The following FAM120B variants were observed in gnomAD, a reference collection of about 807,000 sequenced individuals.
The protein encoded by FAM120B is constitutive coactivator of peroxisome proliferator-activated receptor gamma.
FAM120B carries 83 observed loss-of-function variants against 96.3 expected under a neutral mutation model. The observed-to-expected ratio is 0.86, with a 90% CI of 0.72 to 1.03. FAM120B has a LOEUF of 1.03. FAM120B is among the 50% of genes least tolerant of loss of function. The pLI, the probability that FAM120B is intolerant of heterozygous loss-of-function variation, is 0.00. For missense variants in FAM120B, 1,027 were observed against 1,121.2 expected (o/e 0.92, Z 1.20); for synonymous variants, 407 against 402.7 (o/e 1.01, Z -0.13).
At chr6:170,296,555 C>T (rs1268092087) in intron 1 of FAM120B, among the ~76,000 whole-genome samples, 4 of 151,772 alleles carry the variant, frequency 2.6e-5, no homozygotes, top group Non-Finnish European at 5.9e-5. Context: ...GCCCGCATTC[C>T]CACCTCACCG....
intron 6 of FAM120B, among the ~76,000 whole-genome samples, chr6:170,361,222 A>ATATATATATATACG (rs1788401750): frequency 3.9e-5 from 4 of 101,988 alleles, no homozygotes; most frequent in South Asian, 7.2e-4. Context: ...ATATATATAT[A>ATATATATATATACG]TATATATATA....
chr6:170,293,768 C>T (rs1783937150), upstream of FAM120B, among the ~76,000 whole-genome samples: 1 of 145,024 alleles, frequency 6.9e-6, no homozygotes, highest in South Asian at 2.4e-4. Context: ...CCATTTCTCT[C>T]CCCCCACCCC....
intron 3 of FAM120B, among the ~76,000 whole-genome samples, chr6:170,327,972 A>G (rs1309005776): frequency 1.3e-5 from 2 of 152,276 alleles, no homozygotes; most frequent in African/African-American, 4.8e-5. Context: ...AGGCCAGGAC[A>G]TGACCATACA....
intron 6 of FAM120B, among the ~76,000 whole-genome samples, chr6:170,361,311 T>C (rs2115202656): frequency 6.7e-6 from 1 of 148,428 alleles, no homozygotes; most frequent in South Asian, 2.1e-4. Context: ...ATTATATGTG[T>C]AAAGGTGCAT....
intron 3 of FAM120B, among the ~76,000 whole-genome samples, chr6:170,330,011 T>A (rs1286624734): frequency 6.6e-6 from 1 of 152,184 alleles, no homozygotes; most frequent in Non-Finnish European, 1.5e-5. Flanking sequence ...TCTGCTGACC[T>A]CCTCCCTTCA....
At chr6:170,395,089 G>A (rs1790657811) in intron 8 of FAM120B, among the ~76,000 whole-genome samples, 2 of 152,202 alleles carry the variant, frequency 1.3e-5, no homozygotes, top group African/African-American at 4.8e-5. Context: ...GTGGAGAATG[G>A]GGAGAAGCTC....
chr6:170,310,535 C>T (rs1031969593), intron 1 of FAM120B, among the ~76,000 whole-genome samples: 1 of 152,178 alleles, frequency 6.6e-6, no homozygotes, highest in African/African-American at 2.4e-5. Context: ...TCAAATCCTG[C>T]CCTCCTTGTT....
intron 6 of FAM120B, among the ~76,000 whole-genome samples, chr6:170,374,403 G>T (rs919177001): frequency 4.6e-5 from 7 of 152,216 alleles, no homozygotes; most frequent in African/African-American, 1.7e-4. Context: ...GGGTGAACTG[G>T]TGTGGACCCA....
intron 6 of FAM120B, among the ~76,000 whole-genome samples, chr6:170,385,995 C>T (rs1790165669): frequency 6.6e-6 from 1 of 152,078 alleles, no homozygotes; most frequent in African/African-American, 2.4e-5. Flanking sequence ...AGCAGGCAGG[C>T]GGGAGGGCTT....
At position 170,318,457 on chromosome 6, in the gene FAM120B, G is replaced by T. The variant is rs995191901; in HGVS notation, c.1067G>T (p.Cys356Phe). 1 of 1,603,818 alleles carries T rather than the reference G, an allele frequency of 6.2e-7. No individual in the cohort carries two copies. The highest frequency in any genetic ancestry group is 1.7e-5 in the Admixed American group (1 of 59,328). The change falls in exon 2 of 11, where the codon TGT becomes TTT. Residue 356 changes from cysteine to phenylalanine, a missense_variant. Cys to Phe is a radical substitution (Grantham distance 205). This residue lies in a region of FAM120B where 880 missense variants were observed against 980.9 expected (regional missense o/e 0.90). Coordinates refer to ENST00000476287, the MANE Select transcript of FAM120B (RefSeq NM_032448.3). ...GAATCCAGGCAAGAAGTTCCCATGT[G>T]TACAGGCCCTGAATCCAGGCGAGAA... ...DAESRQEVPM[C>F]TGPESRREVP...
At chr6:170,306,588 T>TCCCACGCCGCCGGCGC (rs1784294915), upstream of FAM120B, 1 of 152,150 alleles carries the variant, frequency 6.6e-6, no homozygotes, top group Non-Finnish European at 1.5e-5. Context: ...GGCCGCGGCG[T>TCCCACGCCGCCGGCGC]CCCACGCCGC....
chr6:170,313,705 G>A (rs571836973), intron 1 of FAM120B, among the ~76,000 whole-genome samples: 8 of 152,216 alleles, frequency 5.3e-5, no homozygotes, highest in Non-Finnish European at 8.8e-5. Flanking sequence ...GACTGTGTGA[G>A]CTTGAGCTCC....
chr6:170,351,619 A>C (rs151304076), intron 5 of FAM120B, among the ~76,000 whole-genome samples: 2,357 of 152,290 alleles, frequency 0.015, 63 homozygotes, highest in African/African-American at 0.053. Flanking sequence ...CCTACAAGCC[A>C]GAAGAGATTG....
intron 1 of FAM120B, among the ~76,000 whole-genome samples, chr6:170,300,888 G>A (rs1297548633): frequency 3.3e-5 from 5 of 152,190 alleles, no homozygotes; most frequent in South Asian, 2.1e-4. Context: ...TGGCATTGCA[G>A]GGTAAACCCC....
intron 6 of FAM120B, among the ~76,000 whole-genome samples, chr6:170,378,162 C>T (rs901597652): frequency 3.3e-5 from 5 of 152,220 alleles, no homozygotes; most frequent in African/African-American, 4.8e-5. Context: ...TGCAGACTTC[C>T]ATCAGAGATC....
chr6:170,313,287 A>G (rs1231815046), intron 1 of FAM120B, among the ~76,000 whole-genome samples: 1 of 152,170 alleles, frequency 6.6e-6, no homozygotes, highest in South Asian at 2.1e-4. Context: ...AGAGGTCCCT[A>G]TGAGTTTCAC....
intron 3 of FAM120B, 73 bp from the exon 4 acceptor site, chr6:170,330,376 G>T: frequency 8.4e-7 from 1 of 1,195,704 alleles, no homozygotes; most frequent in Non-Finnish European, 1.2e-6. Flanking sequence ...CCTGGGCAGA[G>T]CTGGGTCTGT....
At chr6:170,342,167 GTTGTTTT>G (rs1290889415) in intron 4 of FAM120B, among the ~76,000 whole-genome samples, 3 of 152,272 alleles carry the variant, frequency 2.0e-5, no homozygotes, top group Non-Finnish European at 2.9e-5. Context: ...TTTTGGTTTG[GTTGTTTT>G]TTGTTTTTTG....
At position 170,388,182 on chromosome 6, in the gene FAM120B, G is replaced by A. The variant is rs557071585; in HGVS notation, c.2284-105G>A. 1.8e-4 allele frequency: 162 copies of A among 906,704 alleles called. No homozygotes were observed. The African/African-American group carries it at 2.5e-3, about 14-fold the overall frequency. The allele number at this position is 906,704 out of a possible 1,614,324, so 56.2% of individuals were successfully genotyped here. On this transcript the variant is annotated intron_variant, in intron 6 of 10. Coordinates refer to ENST00000476287, the MANE Select transcript of FAM120B (RefSeq NM_032448.3). ...GCTATGGTGATGCTGTCCAGTTACTGAGTGAGCATCCGTTCTGAGCAGAGT... is the reference window on the plus strand; with the variant it reads ...GCTATGGTGATGCTGTCCAGTTACTAAGTGAGCATCCGTTCTGAGCAGAGT...
Sources: allele counts gnomAD v4.1 joint callset (sites outside exome capture counted in the v4.1 genomes callset), GRCh38; gene constraint gnomAD v4.1.1; regional missense constraint gnomAD v4.1.1; transcripts MANE v1.5; gene names NCBI Gene and HGNC (gene_info 2026-07-23, HGNC 2026-07-21).